The following RBFOX2 variants were observed in gnomAD, a reference collection of about 807,000 sequenced individuals.
The protein encoded by RBFOX2 is RNA binding fox-1 homolog 2, also known as RNA binding protein fox-1 homolog 2.
RBFOX2 carries 10 observed loss-of-function variants against 49.1 expected under a neutral mutation model. That is an observed-to-expected ratio of 0.20 (90% confidence interval 0.13 to 0.35). The LOEUF (loss-of-function observed/expected upper bound fraction) is 0.35, where lower values mean the gene tolerates loss of function less well. RBFOX2 is among the 10% of genes least tolerant of loss of function. The pLI is 1.00. For synonymous variants in RBFOX2, 183 were observed against 187.4 expected, an observed-to-expected ratio of 0.98 and a Z score of 0.19; for missense variants, 323 against 486.9, an observed-to-expected ratio of 0.66 and a Z score of 3.17.
chr22:35,977,559 GAACT>G (rs2057233711), intron 1 of RBFOX2, among the ~76,000 whole-genome samples: 1 of 151,700 alleles, frequency 6.6e-6, no homozygotes, highest in Admixed American at 6.6e-5. Flanking sequence ...TGCGAAGAGA[GAACT>G]AACTGTGAAA....
intron 1 of RBFOX2, among the ~76,000 whole-genome samples, chr22:35,915,764 G>A (rs144398477): frequency 1.1e-3 from 168 of 152,256 alleles, no homozygotes; most frequent in Middle Eastern, 6.8e-3. Flanking sequence ...CAGAAACGAG[G>A]AGTAAGCCAT....
chr22:35,815,101 G>C (rs1952773318), intron 1 of RBFOX2, among the ~76,000 whole-genome samples: 1 of 152,152 alleles, frequency 6.6e-6, no homozygotes, highest in Non-Finnish European at 1.5e-5. Context: ...CCTACCGACA[G>C]GTGACTTTCA....
At chr22:35,966,862 G>C (rs1603459557) in intron 1 of RBFOX2, among the ~76,000 whole-genome samples, 3 of 151,884 alleles carry the variant, frequency 2.0e-5, no homozygotes. Context: ...GCCCAGGCTG[G>C]AGTGTAGTGG....
At chr22:35,813,922 G>C (rs1331431003) in intron 1 of RBFOX2, among the ~76,000 whole-genome samples, 1 of 152,174 alleles carries the variant, frequency 6.6e-6, no homozygotes, top group African/African-American at 2.4e-5. Context: ...GTAGAAGTGG[G>C]GAAGCATTAG....
intron 1 of RBFOX2, among the ~76,000 whole-genome samples, chr22:35,889,845 C>T (rs1057175261): frequency 5.9e-5 from 9 of 152,146 alleles, no homozygotes; most frequent in East Asian, 1.9e-4. Context: ...AAATGACTAA[C>T]GTGAAACCTG....
At chr22:35,789,414 G>A (rs377349166) in intron 2 of RBFOX2, among the ~76,000 whole-genome samples, 32 of 151,974 alleles carry the variant, frequency 2.1e-4, no homozygotes, top group Non-Finnish European at 3.2e-4. Flanking sequence ...GTGGTGGTGC[G>A]CGCCTGTAAT....
chr22:35,773,121 A>T (rs1295867085), intron 4 of RBFOX2, among the ~76,000 whole-genome samples: 1 of 151,770 alleles, frequency 6.6e-6, no homozygotes, highest in African/African-American at 2.4e-5. Flanking sequence ...AATAAAAACC[A>T]TTTCACTTTG....
upstream of RBFOX2, among the ~76,000 whole-genome samples, chr22:35,845,473 T>C (rs2041064521): frequency 6.6e-6 from 1 of 151,650 alleles, no homozygotes; most frequent in South Asian, 2.1e-4. Context: ...ACAATCCTCA[T>C]TTATTTCCTG....
intron 9 of RBFOX2, among the ~76,000 whole-genome samples, chr22:35,754,944 T>C (rs894366081): frequency 1.1e-4 from 16 of 152,218 alleles, no homozygotes; most frequent in African/African-American, 3.6e-4. Context: ...CTATGCTAAG[T>C]AGTACAGGTG....
At chr22:35,790,584 G>C (rs767734831) in intron 2 of RBFOX2, among the ~76,000 whole-genome samples, 11 of 152,144 alleles carry the variant, frequency 7.2e-5, no homozygotes, top group Non-Finnish European at 1.6e-4. Flanking sequence ...CACTATATCA[G>C]TATTCAGTAT....
At chr22:35,923,612 T>TG (rs2051274016) in intron 1 of RBFOX2, among the ~76,000 whole-genome samples, 1 of 152,140 alleles carries the variant, frequency 6.6e-6, no homozygotes, top group African/African-American at 2.4e-5. Flanking sequence ...TGGTTTTTTT[T>TG]AAAAAGCCAA....
chr22:35,876,625 C>T (rs1185366921), intron 1 of RBFOX2, among the ~76,000 whole-genome samples: 1 of 151,654 alleles, frequency 6.6e-6, no homozygotes, highest in African/African-American at 2.4e-5. Context: ...CTAAAATTTA[C>T]AAAATAAGTC....
intron 1 of RBFOX2, among the ~76,000 whole-genome samples, chr22:35,945,734 G>A (rs542264554): frequency 6.6e-6 from 1 of 152,302 alleles, no homozygotes; most frequent in Admixed American, 6.5e-5. Flanking sequence ...ACTGTGCCTG[G>A]CCTCAAGAAG....
At chr22:35,802,664 C>G (rs942035329) in intron 2 of RBFOX2, among the ~76,000 whole-genome samples, 1 of 152,086 alleles carries the variant, frequency 6.6e-6, no homozygotes, top group African/African-American at 2.4e-5. Context: ...AAGGGGCCAA[C>G]CTGGTGGGAA....
At chr22:35,993,841 G>A (rs1247298887) in intron 1 of RBFOX2, 2 of 152,066 alleles carry the variant, frequency 1.3e-5, no homozygotes, top group African/African-American at 4.8e-5. Flanking sequence ...ACAAAATTTA[G>A]CCAGGTGCTG....
At chr22:35,814,710 CAAAAAAA>C (rs55971445) in intron 1 of RBFOX2, among the ~76,000 whole-genome samples, 131 of 31,020 alleles carry the variant, frequency 4.2e-3, no homozygotes, top group East Asian at 0.01. Flanking sequence ...AACCCTGTCT[CAAAAAAA>C]AAAAAAAAAA....
At chr22:35,950,725 G>A (rs1179420205) in intron 1 of RBFOX2, among the ~76,000 whole-genome samples, 1 of 152,000 alleles carries the variant, frequency 6.6e-6, no homozygotes, top group Non-Finnish European at 1.5e-5. Flanking sequence ...TCAGTCTCTC[G>A]GCCAGGAAGT....
rs550872786 is a variant in RBFOX2, at chr22:35,749,287, G to T, written c.888-2726C>A. Among the ~76,000 whole-genome samples, 1 of 152,064 alleles carries T rather than the reference G, an allele frequency of 6.6e-6. No individual in the cohort carries two copies. Among genetic ancestry groups the T allele is most frequent in the Non-Finnish European group, 1.5e-5 (1 of 67,984 alleles). On this transcript the variant is annotated intron_variant, in intron 9 of 11. Transcript: ENST00000405409. The surrounding 1 kb of genome is among the most constrained non-coding windows in gnomAD (Gnocchi z 4.1). ...AAAGGCTCAAGAATATCAGCACTAAGAAAAAACACATGAAGAGTTTTTTTT... is the reference window on the plus strand; with the variant it reads ...AAAGGCTCAAGAATATCAGCACTAATAAAAAACACATGAAGAGTTTTTTTT...
chr22:35,898,181 G>A (rs772568042), intron 1 of RBFOX2: 28 of 750,554 alleles, frequency 3.7e-5, no homozygotes, highest in African/African-American at 6.9e-5. Flanking sequence ...GACCCCACGC[G>A]TCCAAGGTGG....
Sources: gnomAD v4.1 joint callset for allele counts (sites outside exome capture counted in the v4.1 genomes callset) on GRCh38, gnomAD v4.1.1 for gene constraint, Gnocchi (gnomAD v3.1) non-coding constraint, MANE v1.5 for transcripts, NCBI Gene and HGNC (gene_info 2026-07-23, HGNC 2026-07-21) for gene names.